The following DPP6 variants were observed in gnomAD, a reference collection of about 807,000 sequenced individuals.
The protein encoded by DPP6 is dipeptidyl peptidase like 6.
In DPP6, 69 loss-of-function variants were observed where a neutral mutation model predicts 122.6. The observed-to-expected ratio is 0.56, with a 90% CI of 0.46 to 0.69. DPP6 has a LOEUF of 0.69. DPP6 is among the 30% of genes least tolerant of loss of function. The pLI is 0.00. For missense variants in DPP6, 928 were observed against 1,116.9 expected, an observed-to-expected ratio of 0.83 and a Z score of 2.41; for synonymous variants, 418 against 433.1, an observed-to-expected ratio of 0.97 and a Z score of 0.43.
chr7:154,553,661 A>G (rs1338011697), intron 4 of DPP6, among the ~76,000 whole-genome samples: 1 of 152,190 alleles, frequency 6.6e-6, no homozygotes, highest in Non-Finnish European at 1.5e-5. Context: ...AGCTTTGTCT[A>G]GTTCCAAACT....
At position 154,446,319 on chromosome 7, in the gene DPP6, C is replaced by T. The variant is rs1563685119; in HGVS notation, c.349C>T (p.Leu117=). Residue 117 remains leucine (L), a synonymous_variant, in exon 2 of 26, where the codon CTG becomes TTG. Coordinates refer to ENST00000377770, the MANE Select transcript of DPP6 (RefSeq NM_130797.4). ...CSLIVTSVIL[L]TPAEDNSLSQ... ...CTTGATCGTCACCTCGGTCATACTT[C>T]TGACACCAGGTACTGTATTCATTCT... 6.2e-7 allele frequency: 1 copy of T among 1,611,686 alleles called. No individual in the cohort carries two copies.
intron 13 of DPP6, among the ~76,000 whole-genome samples, chr7:154,802,520 C>T (rs73500274): frequency 0.11 from 16,380 of 152,174 alleles, 1,147 homozygotes; most frequent in African/African-American, 0.19. Context: ...TTCATTCTAC[C>T]ATCCAAATTC....
chr7:154,301,596 G>C (rs943285351), intron 1 of DPP6, among the ~76,000 whole-genome samples: 6 of 152,066 alleles, frequency 3.9e-5, no homozygotes, highest in African/African-American at 1.2e-4. Flanking sequence ...TGCCCAGGCA[G>C]ATTTAGTTTT....
chr7:153,840,869 A>G, the DPP6 span, among the ~76,000 whole-genome samples: 1 of 152,216 alleles, frequency 6.6e-6, no homozygotes, highest in South Asian at 2.1e-4. Flanking sequence ...GTCCTTACTT[A>G]ATATAAAAAG....
intron 1 of DPP6, among the ~76,000 whole-genome samples, chr7:154,096,877 TCAA>T (rs760535972): frequency 5.9e-5 from 9 of 152,202 alleles, no homozygotes; most frequent in Non-Finnish European, 1.2e-4. Context: ...GCAGCAAAGG[TCAA>T]CGTGATTTAT....
chr7:154,864,674 C>T (rs1046238265), intron 17 of DPP6, among the ~76,000 whole-genome samples: 2 of 152,206 alleles, frequency 1.3e-5, no homozygotes, highest in African/African-American at 2.4e-5. Context: ...CTGATAAAAC[C>T]AGTTGTGTGG....
the DPP6 span, among the ~76,000 whole-genome samples, chr7:153,811,392 A>C: frequency 6.6e-6 from 1 of 152,268 alleles, no homozygotes; most frequent in South Asian, 2.1e-4. Context: ...TAGAGAACCA[A>C]GGCAGCCCAA....
intron 7 of DPP6, among the ~76,000 whole-genome samples, chr7:154,674,399 T>C (rs1200686691): frequency 6.6e-6 from 1 of 152,186 alleles, no homozygotes; most frequent in Admixed American, 6.5e-5. Flanking sequence ...GCACATGCAC[T>C]TGGAGTTGAA....
chr7:154,021,218 T>C (rs1798682342), intron 1 of DPP6, among the ~76,000 whole-genome samples: 1 of 152,146 alleles, frequency 6.6e-6, no homozygotes, highest in Non-Finnish European at 1.5e-5. Context: ...CTGTTATTCA[T>C]TGATCACCCA....
chr7:154,684,430 G>A (rs1459504068), intron 7 of DPP6, among the ~76,000 whole-genome samples: 1 of 152,190 alleles, frequency 6.6e-6, no homozygotes, highest in Admixed American at 6.5e-5. Context: ...CGTGTTCAAA[G>A]GTTGAATGGG....
chr7:154,509,255 A>G (rs1289434257), intron 3 of DPP6, among the ~76,000 whole-genome samples: 5 of 152,240 alleles, frequency 3.3e-5, no homozygotes, highest in African/African-American at 1.2e-4. Flanking sequence ...TTATATCCAG[A>G]CTATATAAGA....
the DPP6 span, among the ~76,000 whole-genome samples, chr7:153,817,386 T>A: frequency 2.9e-5 from 4 of 140,080 alleles, no homozygotes; most frequent in Admixed American, 7.0e-5. Context: ...AAAATCCACA[T>A]GAATTAAAGA....
intron 1 of DPP6, among the ~76,000 whole-genome samples, chr7:154,147,282 C>T (rs982351483): frequency 2.6e-5 from 4 of 152,146 alleles, no homozygotes; most frequent in Non-Finnish European, 5.9e-5. Flanking sequence ...CCTTCCTGCC[C>T]AGTTCTCATT....
At chr7:154,104,042 T>C (rs1347943249) in intron 1 of DPP6, among the ~76,000 whole-genome samples, 1 of 152,198 alleles carries the variant, frequency 6.6e-6, no homozygotes, top group Non-Finnish European at 1.5e-5. Flanking sequence ...ATAAGCTCCG[T>C]TTCATATACA....
At chr7:154,298,267 T>TA in intron 1 of DPP6, among the ~76,000 whole-genome samples, 1 of 89,176 alleles carries the variant, frequency 1.1e-5, no homozygotes, top group Non-Finnish European at 2.5e-5. Context: ...TCTCTCTCTC[T>TA]CCACACACAC....
the DPP6 span, among the ~76,000 whole-genome samples, chr7:153,764,406 C>T: frequency 3.6e-4 from 54 of 151,740 alleles, no homozygotes; most frequent in African/African-American, 1.3e-3. Context: ...CTGCACTCGC[C>T]GGTCCTCCCT....
At chr7:154,296,105 G>A (rs1161557512) in intron 1 of DPP6, among the ~76,000 whole-genome samples, 6 of 143,436 alleles carry the variant, frequency 4.2e-5, no homozygotes, top group Non-Finnish European at 7.4e-5. Flanking sequence ...CCACCATGCT[G>A]GCTAATTTTT....
chr7:154,864,592 C>T (rs541424732), intron 17 of DPP6, among the ~76,000 whole-genome samples: 2 of 152,360 alleles, frequency 1.3e-5, no homozygotes, highest in Admixed American at 1.3e-4. Context: ...AGCTCCTGCC[C>T]TCTTTGAATG....
At chr7:154,862,693 G>GAC (rs1803510191) in intron 17 of DPP6, among the ~76,000 whole-genome samples, 1 of 152,120 alleles carries the variant, frequency 6.6e-6, no homozygotes, top group African/African-American at 2.4e-5. Context: ...TGGGCTGGAG[G>GAC]ACACACACAT....
Sources: allele counts gnomAD v4.1 joint callset (sites outside exome capture counted in the v4.1 genomes callset), GRCh38; gene constraint gnomAD v4.1.1; transcripts MANE v1.5; gene names NCBI Gene and HGNC (gene_info 2026-07-23, HGNC 2026-07-21).